The following SEM1 variants were observed in gnomAD, a reference collection of about 807,000 sequenced individuals.
SEM1 encodes the protein 26S proteasome complex subunit SEM1.
Under a neutral mutation model 12.7 loss-of-function variants are expected in SEM1, and 3 were observed. That is an observed-to-expected ratio of 0.24 (90% CI 0.11 to 0.61). SEM1 has a LOEUF of 0.61. SEM1 is among the 20% of genes least tolerant of loss of function. SEM1 has a pLI of 0.88. For synonymous variants in SEM1, 30 were observed against 27.8 expected, an observed-to-expected ratio of 1.08 and a Z score of -0.25; for missense variants, 59 against 81.3, an observed-to-expected ratio of 0.73 and a Z score of 1.06.
intron 2 of SEM1, among the ~76,000 whole-genome samples, chr7:96,553,831 G>T (rs1370746961): frequency 6.6e-6 from 1 of 152,172 alleles, no homozygotes; most frequent in Non-Finnish European, 1.5e-5. Context: ...CCATGAGCAT[G>T]GAATGTTCTT....
intron 2 of SEM1, among the ~76,000 whole-genome samples, chr7:96,526,441 G>C (rs1331889656): frequency 6.6e-6 from 1 of 152,004 alleles, no homozygotes; most frequent in Admixed American, 6.6e-5. Flanking sequence ...TTTACACGGG[G>C]GAGAGGAAGG....
intron 2 of SEM1, among the ~76,000 whole-genome samples, chr7:96,680,920 C>T (rs1197187544): frequency 1.3e-5 from 2 of 152,036 alleles, no homozygotes; most frequent in Non-Finnish European, 2.9e-5. Flanking sequence ...AAAAATCAGG[C>T]AGTATTGGAG....
chr7:96,530,611 C>G (rs2115711302), intron 2 of SEM1, among the ~76,000 whole-genome samples: 1 of 152,256 alleles, frequency 6.6e-6, no homozygotes, highest in Admixed American at 6.5e-5. Flanking sequence ...GAGGGATAAA[C>G]TGTCCCAGTG....
intron 3 of SEM1, among the ~76,000 whole-genome samples, chr7:96,505,431 A>G (rs1365756966): frequency 2.0e-5 from 3 of 152,044 alleles, no homozygotes; most frequent in Non-Finnish European, 4.4e-5. Flanking sequence ...TAATTGTGAG[A>G]TGTTAGCAGC....
chr7:96,523,168 T>G (rs1382373984), intron 2 of SEM1, among the ~76,000 whole-genome samples: 1 of 152,140 alleles, frequency 6.6e-6, no homozygotes, highest in Non-Finnish European at 1.5e-5. Context: ...TCACCTAAAC[T>G]TATAAATCCA....
chr7:96,501,042 G>T (rs1308086917), upstream of SEM1, among the ~76,000 whole-genome samples: 1 of 150,138 alleles, frequency 6.7e-6, no homozygotes, highest in Non-Finnish European at 1.5e-5. Context: ...CTATTGTGGT[G>T]CTCCTGCCAT....
chr7:96,688,144 C>T (rs933722098), downstream of SEM1: 6 of 152,080 alleles, frequency 3.9e-5, no homozygotes, highest in African/African-American at 1.4e-4. Context: ...GAATCCTTTA[C>T]AAACCAAATT....
At chr7:96,520,837 C>T in intron 2 of SEM1, among the ~76,000 whole-genome samples, 1 of 152,058 alleles carries the variant, frequency 6.6e-6, no homozygotes, top group East Asian at 1.9e-4. Flanking sequence ...CAGGCTCTCC[C>T]CTTCTGGGTT....
chr7:96,688,761 C>G (rs1789837970), downstream of SEM1: 1 of 569,348 alleles, frequency 1.8e-6, no homozygotes, highest in Non-Finnish European at 3.1e-6. Context: ...CTGAACCAAA[C>G]CAAGATTATA....
At chr7:96,662,860 T>C (rs1349386525) in intron 2 of SEM1, among the ~76,000 whole-genome samples, 1 of 152,060 alleles carries the variant, frequency 6.6e-6, no homozygotes, top group Non-Finnish European at 1.5e-5. Context: ...TAGAAGGCAA[T>C]ATAGGAGAAT....
chr7:96,595,944 C>T (rs957039867), intron 2 of SEM1, among the ~76,000 whole-genome samples: 11 of 152,068 alleles, frequency 7.2e-5, no homozygotes, highest in African/African-American at 2.4e-4. Context: ...CACACCTCTT[C>T]GATCAAAGAA....
chr7:96,505,567 G>T (rs978873506), intron 3 of SEM1, among the ~76,000 whole-genome samples: 9 of 152,036 alleles, frequency 5.9e-5, no homozygotes, highest in African/African-American at 2.2e-4. Context: ...CTATTTTGTT[G>T]CTATTTTAGT....
At chr7:96,496,336 G>A (rs1303336473) in exon 1 of SEM1, 2 of 1,450,260 alleles carry the variant, frequency 1.4e-6, no homozygotes, top group Non-Finnish European at 9.3e-7. Context: ...TGATGTATTT[G>A]TTTCTCTGTG....
intron 2 of SEM1, among the ~76,000 whole-genome samples, chr7:96,590,494 T>C (rs1175020807): frequency 1.3e-5 from 2 of 152,206 alleles, no homozygotes; most frequent in Non-Finnish European, 1.5e-5. Context: ...ATATACAGAC[T>C]ATGCTTAAGG....
intron 2 of SEM1, among the ~76,000 whole-genome samples, chr7:96,675,470 A>G (rs1338029136): frequency 6.6e-6 from 1 of 152,162 alleles, no homozygotes; most frequent in Non-Finnish European, 1.5e-5. Context: ...TGGCAGCTAC[A>G]ACTAGATACC....
intron 2 of SEM1, among the ~76,000 whole-genome samples, chr7:96,549,026 T>C (rs548097386): frequency 8.9e-4 from 136 of 152,246 alleles, no homozygotes; most frequent in Non-Finnish European, 9.4e-4. Context: ...AGGGAAGAAG[T>C]GGCAGCTCTG....
intron 2 of SEM1, among the ~76,000 whole-genome samples, chr7:96,574,894 C>T (rs578090289): frequency 2.4e-4 from 37 of 152,216 alleles, no homozygotes; most frequent in African/African-American, 8.4e-4. Flanking sequence ...AGCTTCTTTG[C>T]GTTGGGTTAG....
chr7:96,705,061 C>A (rs141791865), intron 1 of SEM1, among the ~76,000 whole-genome samples: 2 of 152,280 alleles, frequency 1.3e-5, no homozygotes, highest in Non-Finnish European at 2.9e-5. Flanking sequence ...CTTTTTAAGG[C>A]ACAGGTGATA....
chr7:96,685,553 G>A (rs1563112467), downstream of SEM1, among the ~76,000 whole-genome samples: 1 of 151,990 alleles, frequency 6.6e-6, no homozygotes, highest in Non-Finnish European at 1.5e-5. Flanking sequence ...CATTGAAGAC[G>A]TTTTTTGTTT....
Sources: allele counts gnomAD v4.1 joint callset (sites outside exome capture counted in the v4.1 genomes callset), GRCh38; gene constraint gnomAD v4.1.1; transcripts MANE v1.5; gene names NCBI Gene and HGNC (gene_info 2026-07-23, HGNC 2026-07-21).